TALDO1: variants seen among roughly 807,000 people sequenced by gnomAD.
TALDO1 encodes transaldolase.
Under a neutral mutation model 38.1 loss-of-function variants are expected in TALDO1, and 29 were observed. The observed-to-expected ratio is 0.76, with a 90% CI of 0.57 to 1.04. The LOEUF (loss-of-function observed/expected upper bound fraction) is 1.04. Ranked by LOEUF, TALDO1 falls within the 50% of genes least tolerant of loss-of-function variation. The pLI, the probability that TALDO1 is intolerant of heterozygous loss-of-function variation, is 0.00. For synonymous variants in TALDO1, 207 were observed against 176.8 expected, an observed-to-expected ratio of 1.17 and a Z score of -1.36; for missense variants, 499 against 438.1, an observed-to-expected ratio of 1.14 and a Z score of -1.24.
rs936606911 is a variant in TALDO1 at position 755,911 on chromosome 11, A to T, written c.130A>T (p.Thr44Ser). 4 of 1,613,988 alleles carry T rather than the reference A, an allele frequency of 2.5e-6. No individual in the cohort carries two copies. The highest frequency in any genetic ancestry group is 1.3e-5 in the African/African-American group (1 of 74,904). The change falls in exon 2 of 8, where the codon ACC (threonine) becomes TCC (serine). Residue 44 changes from threonine to serine, a missense_variant. Physicochemically the swap from Thr to Ser is moderately conservative, Grantham distance 58. Coordinates refer to ENST00000319006, the MANE Select transcript of TALDO1 (RefSeq NM_006755.2). ...CGAGTACAAGCCCCAGGATGCTACC[A>T]CCAACCCGTCCCTGATCCTGGCCGC... ...IDEYKPQDAT[T>S]NPSLILAAAQ...
intron 3 of TALDO1, among the ~76,000 whole-genome samples, chr11:759,460 C>A (rs574333064): frequency 2.2e-3 from 336 of 151,674 alleles, no homozygotes; most frequent in Admixed American, 4.0e-3. Context: ...TGGGGTTTGA[C>A]CATTTTGGCC....
chr11:748,612 C>G (rs970141458), intron 1 of TALDO1, among the ~76,000 whole-genome samples: 1 of 152,160 alleles, frequency 6.6e-6, no homozygotes, highest in African/African-American at 2.4e-5. Flanking sequence ...ACTTGAGAAA[C>G]AGGCTTTAAT....
At chr11:760,315 A>G (rs1192438745) in intron 4 of TALDO1, 62 bp downstream of exon 4, 2 of 1,603,840 alleles carry the variant, frequency 1.2e-6, no homozygotes, top group South Asian at 1.1e-5. Context: ...AGCAGGGTCT[A>G]CATGGCATCA....
chr11:764,830 A>G lies in TALDO1; in HGVS notation c.999A>G (p.Ala333=), dbSNP rs1271282443. 1 of 1,614,074 alleles carries G rather than the reference A, an allele frequency of 6.2e-7. No homozygotes were observed. The highest frequency in any genetic ancestry group is 1.3e-5 in the African/African-American group (1 of 74,952). The stretch of plus-strand genomic sequence containing the variant: ...GTTTCTAGGAACGAATGTTCAATGC[A>G]GAGAATGGAAAGTAGCGCATCCCTG... ...ERMLTERMFN[A]ENGK The change falls in exon 8 of 8, where the codon GCA becomes GCG. Residue 333 remains alanine (A), a synonymous_variant. Transcript: ENST00000319006.
At chr11:757,025 A>T (rs959713203) in intron 2 of TALDO1, among the ~76,000 whole-genome samples, 2 of 152,370 alleles carry the variant, frequency 1.3e-5, no homozygotes, top group African/African-American at 4.8e-5. Context: ...GGCACCACAC[A>T]GGAGCAGGTC....
At position 760,370 on chromosome 11, in the gene TALDO1, G is replaced by A. The variant is rs530197961; in HGVS notation, c.461+117G>A. Reference sequence around the variant, plus strand: ...GCCCTGGGGAATGCCAGACTGGGGAGCACAGCCCACAGCTTGGACTTGACC... The same window carrying A: ...GCCCTGGGGAATGCCAGACTGGGGAACACAGCCCACAGCTTGGACTTGACC... On this transcript the variant is annotated intron_variant, in intron 4 of 7. Transcript: ENST00000319006. The A allele has an allele frequency of 3.3e-6, 5 of 1,499,858 alleles. No individual in the cohort carries two copies. The East Asian group carries it at 9.2e-5, about 28-fold the overall frequency. The allele number at this position is 1,499,858 out of a possible 1,614,324, so 92.9% of individuals were successfully genotyped here.
At chr11:757,334 C>G (rs1177588531) in intron 2 of TALDO1, among the ~76,000 whole-genome samples, 3 of 149,336 alleles carry the variant, frequency 2.0e-5, no homozygotes, top group African/African-American at 7.5e-5. Context: ...GCTCTGTCAC[C>G]TAGGCTGGAG....
intron 1 of TALDO1, among the ~76,000 whole-genome samples, chr11:752,017 G>A (rs951579958): frequency 3.3e-5 from 5 of 151,986 alleles, no homozygotes; most frequent in African/African-American, 1.2e-4. Flanking sequence ...CTTCAAGGGA[G>A]GAATCTTTCC....
intron 7 of TALDO1, 66 bp downstream of exon 7, chr11:764,499 G>C (rs1386201897): frequency 1.9e-6 from 3 of 1,581,324 alleles, no homozygotes; most frequent in Middle Eastern, 1.7e-4. Flanking sequence ...GGGCGTCGGG[G>C]TTCAAGCTGG....
intron 2 of TALDO1, 104 bp downstream of exon 2, chr11:756,106 C>G: frequency 2.7e-6 from 4 of 1,467,566 alleles, no homozygotes; most frequent in Non-Finnish European, 3.6e-6. Flanking sequence ...ACCATGAACT[C>G]AAGGGGGGAA....
At chr11:754,754 G>A (rs555758579) in intron 1 of TALDO1, among the ~76,000 whole-genome samples, 24 of 152,276 alleles carry the variant, frequency 1.6e-4, no homozygotes, top group African/African-American at 5.5e-4. Flanking sequence ...TTACAGGCAT[G>A]AGCCACTGCA....
At chr11:754,950 A>G (rs1047679199) in intron 1 of TALDO1, among the ~76,000 whole-genome samples, 6 of 151,802 alleles carry the variant, frequency 4.0e-5, no homozygotes, top group South Asian at 2.1e-4. Context: ...TAGTCTTTCT[A>G]TGAAACCTAA....
chr11:749,337 GGTTGCA>G lies in TALDO1; in HGVS notation c.97+1762_97+1767del, dbSNP rs1862712298. On this transcript the variant is annotated intron_variant, in intron 1 of 7. Transcript: ENST00000319006. ...AGAATTGCTGAACCCAGAAGGCGGA[GGTTGCA>G]GTGAGCCAAGATCACACCACTGCAC... 1.4e-5 allele frequency among the ~76,000 whole-genome samples: 2 copies of G among 146,650 alleles called. 1 individual carries two copies. The highest frequency in any genetic ancestry group is 5.0e-5 in the African/African-American group (2 of 39,768).
Position 764,356 on chromosome 11 carries a change from C to G in TALDO1, c.904C>G (p.Gln302Glu). The change falls in exon 7 of 8, where the codon CAG (glutamine) becomes GAG (glutamate). Residue 302 changes from glutamine to glutamate, a missense_variant. Transcript: ENST00000319006. The part of the protein sequence containing the change: ...KSFRWLHNED[Q>E]MAVEKLSDGI... ...TTTCCGTTGGTTGCACAACGAGGAC[C>G]AGATGGCTGTGGAGAAGCTCTCTGA... 1 of 1,614,282 alleles carries G rather than the reference C, an allele frequency of 6.2e-7. No homozygotes were observed. Among genetic ancestry groups the G allele is most frequent in the Admixed American group, 1.7e-5 (1 of 60,032 alleles).
intron 3 of TALDO1, 58 bp downstream of exon 3, chr11:759,115 T>TG: frequency 6.9e-7 from 1 of 1,443,766 alleles, no homozygotes; most frequent in Non-Finnish European, 9.7e-7. Context: ...GTTGCACACG[T>TG]GGATGCCAAC....
rs878929281 is a variant in TALDO1, at chr11:747,583, G to C, written c.97+5G>C. 6.4e-7 allele frequency: 1 copy of C among 1,565,354 alleles called. No individual in the cohort carries two copies. The highest frequency in any genetic ancestry group is 8.6e-7 in the Non-Finnish European group (1 of 1,158,568). ...CCGACACGGGCGACTTCCACGGTGAGGACGGCGCGGAGCCCGGGCGCGGCG... is the reference window on the plus strand; with the variant it reads ...CCGACACGGGCGACTTCCACGGTGACGACGGCGCGGAGCCCGGGCGCGGCG... On this transcript the variant is annotated splice_donor_5th_base_variant and intron_variant, in intron 1 of 7. Transcript: ENST00000319006.
chr11:752,840 C>T (rs1862771230), intron 1 of TALDO1, among the ~76,000 whole-genome samples: 1 of 152,146 alleles, frequency 6.6e-6, no homozygotes, highest in Non-Finnish European at 1.5e-5. Flanking sequence ...AAGTTGAAGC[C>T]AGTGGATCAG....
intron 1 of TALDO1, among the ~76,000 whole-genome samples, chr11:748,126 G>C (rs905752911): frequency 9.8e-5 from 15 of 152,382 alleles, no homozygotes; most frequent in African/African-American, 2.2e-4. Flanking sequence ...TGACTTCCAC[G>C]TGGCCAGTTT....
At position 758,959 on chromosome 11, in the gene TALDO1, G is replaced by A; in HGVS notation, c.231G>A (p.Glu77=). The change falls in exon 3 of 8, where the codon GAG becomes GAA. Residue 77 remains glutamate (E), a synonymous_variant. Transcript: ENST00000319006. ...AYGRKLGGSQ[E]DQIKNAIDKL... ...TCCCTTTGAATTTCAGGTCACAAGA[G>A]GACCAGATTAAAAATGCTATTGATA... The A allele has an allele frequency of 6.2e-7, 1 of 1,611,270 alleles. No homozygotes were observed. Among genetic ancestry groups the A allele is most frequent in the Non-Finnish European group, 8.5e-7 (1 of 1,178,110 alleles).
Sources: allele counts gnomAD v4.1 joint callset (sites outside exome capture counted in the v4.1 genomes callset), GRCh38; gene constraint gnomAD v4.1.1; transcripts MANE v1.5; gene names NCBI Gene and HGNC (gene_info 2026-07-23, HGNC 2026-07-21).